CACNA2D4: variants seen among roughly 807,000 people sequenced by gnomAD.
CACNA2D4 encodes calcium voltage-gated channel auxiliary subunit alpha2delta 4.
CACNA2D4 carries 157 observed loss-of-function variants against 163.8 expected under a neutral mutation model. The observed-to-expected ratio is 0.96, with a 90% CI of 0.84 to 1.09. The LOEUF (loss-of-function observed/expected upper bound fraction) is 1.09, where lower values mean the gene tolerates loss of function less well. Ranked by LOEUF, CACNA2D4 falls within the 50% of genes least tolerant of loss-of-function variation. The pLI is 0.00. For synonymous variants in CACNA2D4, 598 were observed against 586.9 expected (o/e 1.02, Z -0.27); for missense variants, 1,410 against 1,479.9 (o/e 0.95, Z 0.78).
chr12:1,876,141 T>C (rs1243766984), intron 16 of CACNA2D4, among the ~76,000 whole-genome samples: 1 of 152,256 alleles, frequency 6.6e-6, no homozygotes, highest in African/African-American at 2.4e-5. Flanking sequence ...ATATTTCATC[T>C]TGCTAGTTTC....
Position 1,917,099 on chromosome 12 carries a change from G to C in CACNA2D4, c.227+1148C>G, listed in dbSNP as rs1282256709. ...TTACGGGCTGGCGGCGGGTGTAATG[G>C]TGAAAGTGCAGTCCAGGCTGACAGG... is the stretch of plus-strand genomic sequence containing the variant. On this transcript the variant is annotated intron_variant, in intron 1 of 37. Transcript: ENST00000382722. The surrounding 1 kb of genome is among the most constrained non-coding windows in gnomAD (Gnocchi z 4.3). Among the ~76,000 whole-genome samples the C allele has an allele frequency of 6.6e-6, 1 of 152,174 alleles. No individual in the cohort carries two copies. The highest frequency in any genetic ancestry group is 1.5e-5 in the Non-Finnish European group (1 of 68,036).
chr12:1,892,287 G>T (rs1866304623), intron 6 of CACNA2D4, among the ~76,000 whole-genome samples: 1 of 152,186 alleles, frequency 6.6e-6, no homozygotes, highest in Non-Finnish European at 1.5e-5. Flanking sequence ...GAAAAAAACT[G>T]CTAGTCAAGG....
At chr12:1,846,733 C>A (rs1865154199) in intron 23 of CACNA2D4, 44 bp from the exon 24 acceptor site, 2 of 1,503,456 alleles carry the variant, frequency 1.3e-6, no homozygotes, top group African/African-American at 2.7e-5. Context: ...ATGGCTGTGG[C>A]AAGAGCTTGG....
chr12:1,814,944 C>A (rs974323710), intron 26 of CACNA2D4, among the ~76,000 whole-genome samples: 3 of 152,242 alleles, frequency 2.0e-5, no homozygotes, highest in African/African-American at 7.2e-5. Flanking sequence ...GGCTGGAGTG[C>A]AGTGGCACAA....
chr12:1,889,422 T>C (rs1866225241), intron 6 of CACNA2D4, among the ~76,000 whole-genome samples: 1 of 152,180 alleles, frequency 6.6e-6, no homozygotes, highest in Admixed American at 6.5e-5. Flanking sequence ...AAGTCTAGAA[T>C]AAAGAGATGG....
chr12:1,811,734 G>A lies in CACNA2D4; in HGVS notation c.2552-11C>T. The A allele has an allele frequency of 3.9e-6, 6 of 1,558,326 alleles. No individual in the cohort carries two copies. The highest frequency in any genetic ancestry group is 5.2e-6 in the Non-Finnish European group (6 of 1,150,514). ...TTTGGACGCCCGCGGCTACAGGGCA[G>A]AAAGAGAGAGGGCAAGGCCAGGGAA... On this transcript the variant is annotated splice_polypyrimidine_tract_variant and intron_variant, in intron 26 of 37. Transcript: ENST00000382722.
At chr12:1,884,410 C>G in intron 11 of CACNA2D4, 89 bp from the exon 12 acceptor site, 3 of 1,042,444 alleles carry the variant, frequency 2.9e-6, no homozygotes. Context: ...AGATGTTGGC[C>G]CCAGTGCCTC....
chr12:1,842,406 C>G (rs1483243218), intron 25 of CACNA2D4, among the ~76,000 whole-genome samples: 1 of 152,218 alleles, frequency 6.6e-6, no homozygotes, highest in South Asian at 2.1e-4. Context: ...GGAGGCAGCT[C>G]GTCCTCTTTT....
rs971642040 is a variant in CACNA2D4 at position 1,917,836 on chromosome 12, C to T, written c.227+411G>A. The T allele has an allele frequency of 6.7e-5, 13 of 194,276 alleles. No homozygotes were observed. The highest frequency in any genetic ancestry group is 1.3e-4 in the Non-Finnish European group (12 of 95,816). The allele number at this position is 194,276 out of a possible 1,614,324, so 12.0% of individuals were successfully genotyped here. ...TTCCCCTTTTTGGAATGTCAAAATA[C>T]GCATTTCCTGCCAAATGCTTCGGGG... On this transcript the variant is annotated intron_variant, in intron 1 of 37. Transcript: ENST00000382722. This position sits in a 1 kb window ranked among gnomAD's most constrained non-coding sequence, Gnocchi z 4.3.
chr12:1,852,040 T>C (rs1191624179), intron 23 of CACNA2D4, among the ~76,000 whole-genome samples: 1 of 152,238 alleles, frequency 6.6e-6, no homozygotes, highest in Non-Finnish European at 1.5e-5. Context: ...TTTTTGTGTG[T>C]AGATAAAGGC....
rs1256401149 is a variant in CACNA2D4, at chr12:1,918,304, A to AGC, written c.168_169dup (p.Leu57ArgfsTer4). On this transcript the variant is annotated frameshift_variant, in exon 1 of 38. Transcript: ENST00000382722. LOFTEE classifies it high-confidence loss of function. ...AGGGGACAGGGAGGTGCCTAGAAGC[A>AGC]GCAGCCACAGGAGGGCCGAGGTCTT... The AGC allele has an allele frequency of 1.2e-6, 2 of 1,610,360 alleles. No homozygotes were observed. The highest frequency in any genetic ancestry group is 2.7e-5 in the African/African-American group (2 of 74,820).
Position 1,874,736 on chromosome 12 carries a change from C to T in CACNA2D4, c.1807-61G>A. 8.2e-7 allele frequency: 1 copy of T among 1,215,522 alleles called. No homozygotes were observed. The highest frequency in any genetic ancestry group is 1.2e-5 in the South Asian group (1 of 81,880). 75.3% of individuals were successfully genotyped at this position (1,215,522 alleles called of 1,614,324 possible). ...CTCACAGGGGATGGTGAAAGTATGG[C>T]ATTCTTCAGACCAGATTAGAGGTGA... On this transcript the variant is annotated intron_variant, in intron 17 of 37. Transcript: ENST00000382722. The surrounding 1 kb of genome is among the most constrained non-coding windows in gnomAD (Gnocchi z 4.4).
Position 1,883,007 on chromosome 12 carries a change from TG to T in CACNA2D4, c.1352-8del, listed in dbSNP as rs1197881837. The stretch of plus-strand genomic sequence containing the variant: ...GAGATCTGCGTGTAGTAGCCTGCGG[TG>T]GGGAAGGCCGCGTGGGTGTGGAAGG... On this transcript the variant is annotated splice_polypyrimidine_tract_variant and splice_region_variant and intron_variant, in intron 12 of 37. Coordinates refer to ENST00000382722, the MANE Select transcript of CACNA2D4 (RefSeq NM_172364.5). The surrounding 1 kb of genome is among the most constrained non-coding windows in gnomAD (Gnocchi z 4.5). 2 of 1,611,516 alleles carry T rather than the reference TG, an allele frequency of 1.2e-6. No individual in the cohort carries two copies. Among genetic ancestry groups the T allele is most frequent in the Admixed American group, 1.7e-5 (1 of 59,718 alleles).
chr12:1,822,430 C>T (rs1179225295), intron 26 of CACNA2D4, among the ~76,000 whole-genome samples: 1 of 152,086 alleles, frequency 6.6e-6, no homozygotes, highest in Non-Finnish European at 1.5e-5. Flanking sequence ...AGCCAAGCCT[C>T]CTGTGCCCTG....
Position 1,834,899 on chromosome 12 carries a change from G to A in CACNA2D4, c.2551+5840C>T. 5 of 1,252,352 alleles carry A rather than the reference G, an allele frequency of 4.0e-6. No individual in the cohort carries two copies. The South Asian group carries it at 4.8e-5, about 12-fold the overall frequency. The allele number at this position is 1,252,352 out of a possible 1,614,324, so 77.6% of individuals were successfully genotyped here. A position where few individuals can be genotyped will look rare whatever the true frequency, so the allele number is the denominator to read the frequency against. On this transcript the variant is annotated intron_variant, in intron 26 of 37. Transcript: ENST00000382722. This position sits in a 1 kb window ranked among gnomAD's most constrained non-coding sequence, Gnocchi z 7.6. ...CCTGCACTTTCGAGGCTCCCTGAAA[G>A]CCACCGTGCTGGGGGCTCCTGCTGA...
rs989969110 is a variant in CACNA2D4 at position 1,883,213 on chromosome 12, T to G, written c.1352-213A>C. Among the ~76,000 whole-genome samples, 2 of 152,164 alleles carry G rather than the reference T, an allele frequency of 1.3e-5. No individual in the cohort carries two copies. Among genetic ancestry groups the G allele is most frequent in the African/African-American group, 2.4e-5 (1 of 41,444 alleles). ...GGCCAAGGCTCACTCTGCTGCACCC[T>G]GGAAGATCTCTGAGGGGCTGTCCCA... On this transcript the variant is annotated intron_variant, in intron 12 of 37. Transcript: ENST00000382722. This position sits in a 1 kb window ranked among gnomAD's most constrained non-coding sequence, Gnocchi z 4.5.
At chr12:1,856,627 T>C (rs928367995) in intron 20 of CACNA2D4, among the ~76,000 whole-genome samples, 2 of 152,182 alleles carry the variant, frequency 1.3e-5, no homozygotes, top group Non-Finnish European at 2.9e-5. Context: ...CTGCATCTTA[T>C]TCCTCCTAGC....
At chr12:1,880,169 G>A (rs913638356) in intron 13 of CACNA2D4, among the ~76,000 whole-genome samples, 2 of 152,242 alleles carry the variant, frequency 1.3e-5, no homozygotes, top group Non-Finnish European at 2.9e-5. Context: ...AAGCTCTCTC[G>A]TCTCAGCGAG....
At chr12:1,840,662 C>G (rs1482703232) in intron 26 of CACNA2D4, 77 bp downstream of exon 26, 2 of 1,245,424 alleles carry the variant, frequency 1.6e-6, no homozygotes, top group Non-Finnish European at 2.3e-6. Context: ...TGTGCAGGGC[C>G]TTCTGCTGTG....
Sources: gnomAD v4.1 joint callset for allele counts (sites outside exome capture counted in the v4.1 genomes callset) on GRCh38, gnomAD v4.1.1 for gene constraint, Gnocchi (gnomAD v3.1) non-coding constraint, MANE v1.5 for transcripts, NCBI Gene and HGNC (gene_info 2026-07-23, HGNC 2026-07-21) for gene names.